The following LACTB2 variants were observed in gnomAD, a reference collection of about 807,000 sequenced individuals.
The protein encoded by LACTB2 is endoribonuclease LACTB2.
In LACTB2, 32 loss-of-function variants were observed where a neutral mutation model predicts 34.8. The ratio of observed to expected loss-of-function variants is 0.92; its 90% CI spans 0.69 to 1.24. The LOEUF (loss-of-function observed/expected upper bound fraction) is 1.24, where lower values mean the gene tolerates loss of function less well. Ranked by LOEUF, LACTB2 falls within the 50% of genes most tolerant of loss-of-function variation. The probability of loss-of-function intolerance (pLI) is 0.00; values close to 1 mark genes in which losing one functional copy is unlikely to be tolerated. For missense variants in LACTB2, 320 were observed against 345.0 expected, an observed-to-expected ratio of 0.93 and a Z score of 0.57; for synonymous variants, 120 against 117.5, an observed-to-expected ratio of 1.02 and a Z score of -0.14.
chr8:70,647,839 C>T (rs1401504000), intron 3 of LACTB2, among the ~76,000 whole-genome samples: 1 of 152,144 alleles, frequency 6.6e-6, no homozygotes, highest in Non-Finnish European at 1.5e-5. Context: ...CCTCAAGAGT[C>T]TCTTCCCACT....
At chr8:70,666,058 CTG>C (rs1187177642) in intron 1 of LACTB2, among the ~76,000 whole-genome samples, 3 of 152,158 alleles carry the variant, frequency 2.0e-5, no homozygotes, top group Middle Eastern at 3.2e-3. Flanking sequence ...CCAGCTAAAA[CTG>C]TAGTTATCCA....
chr8:70,649,685 T>C (rs1029474107), intron 3 of LACTB2, among the ~76,000 whole-genome samples: 2 of 152,100 alleles, frequency 1.3e-5, no homozygotes, highest in African/African-American at 4.8e-5. Context: ...TATCTCAAAT[T>C]GAAAAATAAG....
At position 70,641,049 on chromosome 8, in the gene LACTB2, T is replaced by C; in HGVS notation, c.594A>G (p.Gly198=). The C allele has an allele frequency of 1.3e-6, 2 of 1,591,772 alleles. No homozygotes were observed. The highest frequency in any genetic ancestry group is 1.7e-6 in the Non-Finnish European group (2 of 1,173,412). Residue 198 remains glycine (G), a splice_region_variant and synonymous_variant, in exon 5 of 7, where the codon GGA becomes GGG. Coordinates refer to ENST00000276590, the MANE Select transcript of LACTB2 (RefSeq NM_016027.3). ...CAGCATTATGAATTACTGGGCCATGTCCTGAATTAAAATAATTATAAGAGT... is the reference window on the plus strand; with the variant it reads ...CAGCATTATGAATTACTGGGCCATGCCCTGAATTAAAATAATTATAAGAGT... ...LKIKADIIYP[G]HGPVIHNAEA...
Position 70,657,137 on chromosome 8 carries a change from G to C in LACTB2, c.413+619C>G, listed in dbSNP as rs527403360. Among the ~76,000 whole-genome samples, 22 of 152,248 alleles carry C rather than the reference G, an allele frequency of 1.4e-4. No individual in the cohort carries two copies. In the East Asian group the frequency reaches 3.5e-3, roughly 24 times the overall value. On this transcript the variant is annotated intron_variant, in intron 3 of 6. Transcript: ENST00000276590. Reference sequence around the variant, plus strand: ...CCTAAAACTTATTTAATTTAGGTATGGGTCATCTTTGGGAAGTGAGAATAT... The same window carrying C: ...CCTAAAACTTATTTAATTTAGGTATCGGTCATCTTTGGGAAGTGAGAATAT...
chr8:70,641,438 G>A (rs1187725792), intron 4 of LACTB2, among the ~76,000 whole-genome samples: 1 of 152,164 alleles, frequency 6.6e-6, no homozygotes, highest in Non-Finnish European at 1.5e-5. Context: ...ATCCCATGAA[G>A]TAGGTACAAT....
Position 70,644,061 on chromosome 8 carries a change from C to A in LACTB2, c.592+4G>T, listed in dbSNP as rs1450204337. On this transcript the variant is annotated splice_donor_region_variant and intron_variant, in intron 4 of 6. Transcript: ENST00000276590. ...AAATATAAAAAAATTTAAAAATTACCCACCTGGATATATAATATCAGCTTT... is the reference window on the plus strand; with the variant it reads ...AAATATAAAAAAATTTAAAAATTACACACCTGGATATATAATATCAGCTTT... 3 of 1,513,310 alleles carry A rather than the reference C, an allele frequency of 2.0e-6. No homozygotes were observed. Among genetic ancestry groups the A allele is most frequent in the Non-Finnish European group, 2.6e-6 (3 of 1,132,894 alleles). 93.7% of individuals were successfully genotyped at this position (1,513,310 alleles called of 1,614,324 possible).
At chr8:70,638,043 CAT>C (rs1818145655) in intron 6 of LACTB2, 140 bp from the exon 7 acceptor site, 2 of 455,704 alleles carry the variant, frequency 4.4e-6, no homozygotes, top group Non-Finnish European at 7.9e-6. Flanking sequence ...ATTTTTGGTA[CAT>C]GTAAAAACAT....
intron 5 of LACTB2, among the ~76,000 whole-genome samples, chr8:70,639,456 G>A (rs1439730104): frequency 1.3e-5 from 2 of 151,994 alleles, no homozygotes; most frequent in South Asian, 2.1e-4. Context: ...CACCATGCCC[G>A]GCCTGGCAGC....
chr8:70,656,994 T>C (rs1818419439), intron 3 of LACTB2, among the ~76,000 whole-genome samples: 1 of 152,200 alleles, frequency 6.6e-6, no homozygotes. Flanking sequence ...AAGTGGATGT[T>C]CTGAGATCAG....
intron 5 of LACTB2, 79 bp downstream of exon 5, chr8:70,640,823 T>C: frequency 3.0e-6 from 4 of 1,345,172 alleles, no homozygotes; most frequent in Non-Finnish European, 2.9e-6. Flanking sequence ...GGGATATAAG[T>C]TTATCATTTC....
In LACTB2 at chr8:70,661,872, GTTCTCCAGTGTCAATGAGGA is replaced by G. The variant is rs765181067; in HGVS notation, c.128_147del (p.Ile43ThrfsTer16). ...CAGCTGATGTATTCTGGAATTGCTG[GTTCTCCAGTGTCAATGAGGA>G]TTCTCCTGAAAATTAAATGGAAGAT... On this transcript the variant is annotated frameshift_variant, in exon 2 of 7. Transcript: ENST00000276590. LOFTEE classifies it high-confidence loss of function. The G allele has an allele frequency of 6.2e-7, 1 of 1,609,290 alleles. No homozygotes were observed. The highest frequency in any genetic ancestry group is 2.2e-5 in the East Asian group (1 of 44,736).
intron 1 of LACTB2, among the ~76,000 whole-genome samples, chr8:70,668,770 T>G (rs79368823): frequency 6.6e-6 from 1 of 150,396 alleles, no homozygotes; most frequent in Non-Finnish European, 1.5e-5. Context: ...TTTTTTTTTT[T>G]TTTTTCCATT....
intron 1 of LACTB2, among the ~76,000 whole-genome samples, chr8:70,665,707 C>T (rs565352245): frequency 6.6e-6 from 1 of 152,330 alleles, no homozygotes; most frequent in South Asian, 2.1e-4. Flanking sequence ...AAGCTTAGAA[C>T]TGTCTTGTCC....
intron 4 of LACTB2, among the ~76,000 whole-genome samples, chr8:70,642,505 T>C (rs1282192004): frequency 2.4e-5 from 2 of 85,018 alleles, no homozygotes; most frequent in Non-Finnish European, 4.6e-5. Flanking sequence ...CTTTCTTAGC[T>C]TTTTTTTTTT....
chr8:70,641,341 CAAT>C (rs1433741098), intron 4 of LACTB2, among the ~76,000 whole-genome samples: 2 of 152,098 alleles, frequency 1.3e-5, no homozygotes, highest in Admixed American at 6.5e-5. Flanking sequence ...ATAGCAACTA[CAAT>C]AATAACAATA....
At chr8:70,640,576 AG>A in intron 5 of LACTB2, 2 of 161,218 alleles carry the variant, frequency 1.2e-5, no homozygotes, top group Non-Finnish European at 2.7e-5. Context: ...CTGGGACACA[AG>A]ATAATCAAGA....
rs1157488196 is a variant in LACTB2, at chr8:70,669,018, G to A, written c.103C>T (p.Leu35=). The change falls in exon 1 of 7, where the codon CTA becomes TTA. Residue 35 remains leucine (L), a synonymous_variant. Coordinates refer to ENST00000276590, the MANE Select transcript of LACTB2 (RefSeq NM_016027.3). ...GTTTACCTGGGGCCGGTCCCCACTAGGTAGGTGTTGGTGCCTTGGAGGGTC... is the reference window on the plus strand; with the variant it reads ...GTTTACCTGGGGCCGGTCCCCACTAAGTAGGTGTTGGTGCCTTGGAGGGTC... ...PMTLQGTNTY[L]VGTGPRRILI... is the part of the protein sequence containing the mutation. 1 of 1,598,530 alleles carries A rather than the reference G, an allele frequency of 6.3e-7. No individual in the cohort carries two copies. Among genetic ancestry groups the A allele is most frequent in the African/African-American group, 1.3e-5 (1 of 74,752 alleles).
chr8:70,661,561 C>T (rs1240893361), intron 2 of LACTB2, 173 bp downstream of exon 2: 2 of 532,840 alleles, frequency 3.8e-6, no homozygotes. Context: ...ATTTCCGTTC[C>T]TCCTTTGTTA....
chr8:70,648,954 C>T (rs1818301935), intron 3 of LACTB2, among the ~76,000 whole-genome samples: 1 of 151,964 alleles, frequency 6.6e-6, no homozygotes, highest in Admixed American at 6.6e-5. Flanking sequence ...AGAAGTTCAG[C>T]AATCAGAAGG....
Sources: gnomAD v4.1 joint callset for allele counts (sites outside exome capture counted in the v4.1 genomes callset) on GRCh38, gnomAD v4.1.1 for gene constraint, MANE v1.5 for transcripts, NCBI Gene and HGNC (gene_info 2026-07-23, HGNC 2026-07-21) for gene names.